The following CHST11 variants were observed in gnomAD, a reference collection of about 807,000 sequenced individuals.
CHST11 encodes C4S-1.
Under a neutral mutation model 30.4 loss-of-function variants are expected in CHST11, and 9 were observed. The ratio of observed to expected loss-of-function variants is 0.30; its 90% confidence interval spans 0.18 to 0.52. The LOEUF (loss-of-function observed/expected upper bound fraction) is 0.52. CHST11 is among the 20% of genes least tolerant of loss of function. The pLI, the probability that CHST11 is intolerant of heterozygous loss-of-function variation, is 0.97. For missense variants in CHST11, 348 were observed against 460.6 expected (o/e 0.76, Z 2.24); for synonymous variants, 152 against 187.8 (o/e 0.81, Z 1.56).
chr12:104,697,500 C>G (rs2039957441), intron 2 of CHST11, among the ~76,000 whole-genome samples: 2 of 152,156 alleles, frequency 1.3e-5, no homozygotes, highest in Non-Finnish European at 1.5e-5. Context: ...CTGAATCTCA[C>G]CACCAGCTTT....
chr12:104,467,780 A>G (rs1159478640), intron 1 of CHST11, among the ~76,000 whole-genome samples: 4 of 152,352 alleles, frequency 2.6e-5, no homozygotes, highest in South Asian at 2.1e-4. Context: ...GAGGGAAACC[A>G]CAGAGGCCCC....
At chr12:104,536,273 G>T (rs1426802954) in intron 1 of CHST11, among the ~76,000 whole-genome samples, 1 of 151,400 alleles carries the variant, frequency 6.6e-6, no homozygotes, top group Non-Finnish European at 1.5e-5. Flanking sequence ...TTTACTTTAA[G>T]TCTGGTGTTT....
intron 2 of CHST11, among the ~76,000 whole-genome samples, chr12:104,708,700 C>T (rs2040058485): frequency 2.0e-5 from 3 of 152,260 alleles, no homozygotes; most frequent in South Asian, 2.1e-4. Flanking sequence ...CTGACAGGGA[C>T]GCTCTCTAGA....
At chr12:104,683,012 A>G (rs982565325) in intron 2 of CHST11, among the ~76,000 whole-genome samples, 2 of 152,248 alleles carry the variant, frequency 1.3e-5, no homozygotes, top group African/African-American at 4.8e-5. Context: ...ATTCAAAGAC[A>G]AAAGTGAAGC....
chr12:104,562,908 G>A (rs2038527238), intron 1 of CHST11, among the ~76,000 whole-genome samples: 1 of 148,542 alleles, frequency 6.7e-6, no homozygotes, highest in African/African-American at 2.5e-5. Context: ...GGTTAAAGGG[G>A]CATTCTTGAT....
intron 2 of CHST11, among the ~76,000 whole-genome samples, chr12:104,703,819 C>T (rs2040009812): frequency 6.6e-6 from 1 of 152,270 alleles, no homozygotes; most frequent in South Asian, 2.1e-4. Context: ...CACCCTTCCT[C>T]CAGGTTTCCC....
chr12:104,665,883 G>C (rs562977638), intron 2 of CHST11, among the ~76,000 whole-genome samples: 1 of 134,878 alleles, frequency 7.4e-6, no homozygotes, highest in Non-Finnish European at 1.5e-5. Context: ...GCAGTGGCGC[G>C]ATCTCGGCTC....
chr12:104,627,531 C>T (rs183382123), intron 2 of CHST11, among the ~76,000 whole-genome samples: 46 of 152,326 alleles, frequency 3.0e-4, no homozygotes, highest in Non-Finnish European at 3.8e-4. Flanking sequence ...GGCACCAAAC[C>T]GCAATCAACA....
At chr12:104,631,484 A>C (rs2039269823) in intron 2 of CHST11, among the ~76,000 whole-genome samples, 1 of 152,148 alleles carries the variant, frequency 6.6e-6, no homozygotes, top group Admixed American at 6.5e-5. Context: ...CCTTTGAGCT[A>C]CAAGAGCTGC....
intron 2 of CHST11, among the ~76,000 whole-genome samples, chr12:104,612,671 T>G (rs2039070820): frequency 6.6e-6 from 1 of 152,292 alleles, no homozygotes; most frequent in Admixed American, 6.5e-5. Context: ...AAAGTCCTTC[T>G]GTTAGCAAAG....
chr12:104,565,528 A>C (rs531921687), intron 1 of CHST11, among the ~76,000 whole-genome samples: 3 of 152,086 alleles, frequency 2.0e-5, no homozygotes, highest in Non-Finnish European at 2.9e-5. Context: ...CGGCCTCCCA[A>C]AGTGCTGGGA....
chr12:104,627,469 A>G lies in CHST11; in HGVS notation c.204+25478A>G, dbSNP rs117567060. On this transcript the variant is annotated intron_variant, in intron 2 of 2. Coordinates refer to ENST00000303694, the MANE Select transcript of CHST11 (RefSeq NM_018413.6). ...AACTGTAGCTGCCGCATGGACTGGAATGTCCTCATCAGCAGATCAGCGCAT... is the reference window on the plus strand; with the variant it reads ...AACTGTAGCTGCCGCATGGACTGGAGTGTCCTCATCAGCAGATCAGCGCAT... 1.5e-3 allele frequency among the ~76,000 whole-genome samples: 227 copies of G among 152,322 alleles called. 4 individuals carry two copies. Among genetic ancestry groups the G allele is most frequent in the Admixed American group, 0.012 (185 of 15,300 alleles).
At chr12:104,609,071 A>C (rs1452410834) in intron 2 of CHST11, among the ~76,000 whole-genome samples, 1 of 152,230 alleles carries the variant, frequency 6.6e-6, no homozygotes, top group African/African-American at 2.4e-5. Context: ...TGCCTTTTGA[A>C]TGCTATTCAG....
chr12:104,498,419 T>C (rs1218596218), intron 1 of CHST11, among the ~76,000 whole-genome samples: 1 of 152,178 alleles, frequency 6.6e-6, no homozygotes, highest in African/African-American at 2.4e-5. Context: ...GACTGGGGAA[T>C]AGTCAGATAG....
At position 104,756,926 on chromosome 12, in the gene CHST11, T is replaced by G. The variant is rs748540696; in HGVS notation, c.205-23T>G. The G allele has an allele frequency of 8.8e-6, 14 of 1,597,052 alleles. No individual in the cohort carries two copies. In the Admixed American group the frequency reaches 2.4e-4, roughly 27 times the overall value. ...GTTTCAGGCAAGTACTGAGTTCTTA[T>G]TCGTCTTGTGTCTCCTCTGCAGCTG... is the stretch of plus-strand genomic sequence containing the variant. On this transcript the variant is annotated intron_variant, in intron 2 of 2. Coordinates refer to ENST00000303694, the MANE Select transcript of CHST11 (RefSeq NM_018413.6).
chr12:104,756,532 G>GTGTGTGTGTGTGT, intron 2 of CHST11, among the ~76,000 whole-genome samples: 2 of 143,398 alleles, frequency 1.4e-5, no homozygotes, highest in African/African-American at 5.2e-5. Context: ...ATCCATGTGG[G>GTGTGTGTGTGTGT]GTGTGTGTGT....
rs2039297350 is a variant in CHST11, at chr12:104,633,874, C to T, written c.204+31883C>T. ...GCATCTTCCTGTCCTCTGCCACTCC[C>T]AGCTCCCCCTGCCCCACCTCTCTGT... is the stretch of plus-strand genomic sequence containing the variant. On this transcript the variant is annotated intron_variant, in intron 2 of 2. Coordinates refer to ENST00000303694, the MANE Select transcript of CHST11 (RefSeq NM_018413.6). Among the ~76,000 whole-genome samples, 4 of 152,328 alleles carry T rather than the reference C, an allele frequency of 2.6e-5. No homozygotes were observed. In the South Asian group the frequency reaches 8.3e-4, roughly 32 times the overall value.
chr12:104,741,293 T>C (rs530714574), intron 2 of CHST11, among the ~76,000 whole-genome samples: 2 of 152,134 alleles, frequency 1.3e-5, no homozygotes, highest in South Asian at 4.2e-4. Context: ...CAGGCAGGGG[T>C]AGGAGGAGGG....
intron 2 of CHST11, among the ~76,000 whole-genome samples, chr12:104,712,550 C>G (rs2040096138): frequency 6.6e-6 from 1 of 152,134 alleles, no homozygotes; most frequent in African/African-American, 2.4e-5. Flanking sequence ...GCCAGGCAGC[C>G]ATTTTCTCCC....
Sources: allele counts gnomAD v4.1 joint callset (sites outside exome capture counted in the v4.1 genomes callset), GRCh38; gene constraint gnomAD v4.1.1; transcripts MANE v1.5; gene names NCBI Gene and HGNC (gene_info 2026-07-23, HGNC 2026-07-21).